Variants in CUX1 observed in about 807,000 individuals in gnomAD.
The protein encoded by CUX1 is protein CASP.
Under a neutral mutation model 158.8 loss-of-function variants are expected in CUX1, and 31 were observed. The ratio of observed to expected loss-of-function variants is 0.20; its 90% CI spans 0.15 to 0.26. The LOEUF (loss-of-function observed/expected upper bound fraction) is 0.26. Ranked by LOEUF, CUX1 falls within the 10% of genes least tolerant of loss-of-function variation. The pLI is 1.00. For missense variants in CUX1, 1,589 were observed against 2,014.6 expected (o/e 0.79, Z 4.04); for synonymous variants, 879 against 862.1 (o/e 1.02, Z -0.34).
At chr7:101,859,906 A>C (rs1797253925) in intron 1 of CUX1, among the ~76,000 whole-genome samples, 2 of 110,376 alleles carry the variant, frequency 1.8e-5, no homozygotes, top group Non-Finnish European at 3.8e-5. Flanking sequence ...TTCTTGGCTT[A>C]TTTCCTTCTT....
intron 1 of CUX1, among the ~76,000 whole-genome samples, chr7:101,911,484 TG>T (rs1278675021): frequency 6.6e-6 from 1 of 152,104 alleles, no homozygotes; most frequent in Non-Finnish European, 1.5e-5. Context: ...GGCCCTCCAG[TG>T]GATGACCTGA....
chr7:101,927,880 C>T (rs1238819702), intron 2 of CUX1, among the ~76,000 whole-genome samples: 2 of 152,192 alleles, frequency 1.3e-5, no homozygotes, highest in Admixed American at 6.5e-5. Flanking sequence ...GGCCCAGGGG[C>T]GGCGGGTGGC....
intron 4 of CUX1, among the ~76,000 whole-genome samples, chr7:102,076,502 T>C (rs1554476725): frequency 6.6e-6 from 1 of 152,100 alleles, no homozygotes; most frequent in African/African-American, 2.4e-5. Flanking sequence ...CCTTGGTGTT[T>C]GTTCTTTTCA....
At chr7:101,833,631 C>T (rs1794304453) in intron 1 of CUX1, among the ~76,000 whole-genome samples, 1 of 148,816 alleles carries the variant, frequency 6.7e-6, no homozygotes, top group Non-Finnish European at 1.5e-5. Flanking sequence ...GTGCGACAGT[C>T]ACCTCGGGGC....
intron 4 of CUX1, among the ~76,000 whole-genome samples, chr7:102,090,684 G>T: frequency 7.7e-6 from 1 of 129,278 alleles, no homozygotes; most frequent in Admixed American, 7.7e-5. Context: ...ACCGCACCCC[G>T]CCTCTTTTTT....
chr7:102,269,819 G>GC (rs3077415), intron 14 of CUX1, among the ~76,000 whole-genome samples: 36 of 151,652 alleles, frequency 2.4e-4, no homozygotes, highest in South Asian at 4.2e-4. Flanking sequence ...CTTCTTCCAT[G>GC]CCCCCCCCAA....
intron 1 of CUX1, among the ~76,000 whole-genome samples, chr7:101,856,540 C>A (rs1019179174): frequency 4.6e-5 from 7 of 152,158 alleles, no homozygotes; most frequent in Admixed American, 2.0e-4. Context: ...GCGTGTCATG[C>A]GTTCCCCAGC....
At chr7:101,881,857 A>G (rs1375841631) in intron 1 of CUX1, among the ~76,000 whole-genome samples, 1 of 152,096 alleles carries the variant, frequency 6.6e-6, no homozygotes, top group Non-Finnish European at 1.5e-5. Context: ...CTTTTATAGA[A>G]CAGCCGAACC....
chr7:102,147,552 CT>C (rs1416312485), intron 8 of CUX1, among the ~76,000 whole-genome samples: 1 of 152,188 alleles, frequency 6.6e-6, no homozygotes, highest in Non-Finnish European at 1.5e-5. Context: ...AATCATTTTC[CT>C]TCTGCAATAA....
At chr7:102,140,959 C>T (rs1350158648) in intron 8 of CUX1, among the ~76,000 whole-genome samples, 10 of 151,008 alleles carry the variant, frequency 6.6e-5, no homozygotes, top group Admixed American at 1.3e-4. Context: ...CTATTTTTTT[C>T]GCTACGTCTA....
At chr7:101,929,132 T>A (rs567545598) in intron 2 of CUX1, among the ~76,000 whole-genome samples, 1 of 151,860 alleles carries the variant, frequency 6.6e-6, no homozygotes, top group African/African-American at 2.4e-5. Context: ...GCCAAGATCG[T>A]GCCACTGCAC....
At chr7:102,118,896 C>T (rs1389196421) in intron 8 of CUX1, among the ~76,000 whole-genome samples, 1 of 152,160 alleles carries the variant, frequency 6.6e-6, no homozygotes, top group African/African-American at 2.4e-5. Flanking sequence ...GGATTACAGG[C>T]GTGCGCCACC....
chr7:101,839,171 A>AT (rs1267332991), intron 1 of CUX1, among the ~76,000 whole-genome samples: 12 of 152,150 alleles, frequency 7.9e-5, no homozygotes, highest in African/African-American at 2.7e-4. Context: ...GTACCATCAT[A>AT]TTGGAGGCTG....
intron 1 of CUX1, among the ~76,000 whole-genome samples, chr7:101,900,380 G>T (rs1802021527): frequency 6.6e-6 from 1 of 152,232 alleles, no homozygotes; most frequent in Non-Finnish European, 1.5e-5. Context: ...TGCCATACGA[G>T]TGTCGTTCTG....
intron 5 of CUX1, 91 bp from the exon 6 acceptor site, chr7:102,104,245 C>T (rs60679727): frequency 0.052 from 66,828 of 1,291,794 alleles, 2,063 homozygotes; most frequent in African/African-American, 0.13. Context: ...TAAAACACAC[C>T]GATCCTACCA....
chr7:101,881,408 C>T (rs1584867255), intron 1 of CUX1, among the ~76,000 whole-genome samples: 1 of 152,330 alleles, frequency 6.6e-6, no homozygotes, highest in Non-Finnish European at 1.5e-5. Context: ...CAGCTTCTTA[C>T]CTTCCCATTA....
At chr7:102,150,485 G>A (rs1490733209) in intron 8 of CUX1, among the ~76,000 whole-genome samples, 2 of 152,108 alleles carry the variant, frequency 1.3e-5, no homozygotes, top group Admixed American at 6.5e-5. Flanking sequence ...TCAAGTCTAA[G>A]AAGATACACT....
rs782049336 is a variant in CUX1, at chr7:102,115,226, A to G, written c.627A>G (p.Thr209=). ...TTTCAGCCCTGGAAAAAACTCGAAC[A>G]GAATTATTTGACCTGAAAACCAAAT... is the stretch of plus-strand genomic sequence containing the variant. ...SLQTALEKTR[T]ELFDLKTKYD... is the part of the protein sequence containing the mutation. The change falls in exon 8 of 24, where the codon ACA becomes ACG. Residue 209 remains threonine (T), a synonymous_variant. Coordinates refer to ENST00000292535, the MANE Select transcript of CUX1 (RefSeq NM_181552.4). 3 of 1,608,348 alleles carry G rather than the reference A, an allele frequency of 1.9e-6. No homozygotes were observed. The highest frequency in any genetic ancestry group is 3.5e-5 in the Admixed American group (2 of 57,542).
rs1453390048 is a variant in CUX1, at chr7:102,267,859, C to T, written c.1256-5507C>T. Among the ~76,000 whole-genome samples the T allele has an allele frequency of 3.3e-5, 5 of 152,212 alleles. No individual in the cohort carries two copies. In the East Asian group the frequency reaches 5.8e-4, roughly 18 times the overall value. Reference sequence around the variant, plus strand: ...GTTTTGTATTTTTCTGTAGAGATGACGTTTTGCCATGTTGCCCGTGCTGGT... The same window carrying T: ...GTTTTGTATTTTTCTGTAGAGATGATGTTTTGCCATGTTGCCCGTGCTGGT... On this transcript the variant is annotated intron_variant, in intron 14 of 22. Transcript: ENST00000292538.
Sources: allele counts gnomAD v4.1 joint callset (sites outside exome capture counted in the v4.1 genomes callset), GRCh38; gene constraint gnomAD v4.1.1; transcripts MANE v1.5; gene names NCBI Gene and HGNC (gene_info 2026-07-23, HGNC 2026-07-21).